Variants in REXO5 observed in about 807,000 individuals in gnomAD.
REXO5 encodes RNA exonuclease 5.
REXO5 carries 48 observed loss-of-function variants against 88.5 expected under a neutral mutation model. The ratio of observed to expected loss-of-function variants is 0.54; its 90% confidence interval spans 0.43 to 0.69. The LOEUF (loss-of-function observed/expected upper bound fraction) is 0.69. Among genes scored for constraint, REXO5 ranks in the 30% least tolerant of loss-of-function variants. The pLI is 0.00. For missense variants in REXO5, 749 were observed against 912.2 expected (o/e 0.82, Z 2.30); for synonymous variants, 311 against 336.5 (o/e 0.92, Z 0.83).
chr16:20,827,421 C>T lies in REXO5; in HGVS notation c.1029C>T (p.Leu343=), dbSNP rs755846605. 4 of 1,613,194 alleles carry T rather than the reference C, an allele frequency of 2.5e-6. No homozygotes were observed. The African/African-American group carries it at 4.0e-5, about 16-fold the overall frequency. The change falls in exon 10 of 20, where the codon CTC becomes CTT. Residue 343 remains leucine (L), a synonymous_variant. Coordinates refer to ENST00000261377, the MANE Select transcript of REXO5 (RefSeq NM_030941.3). ...YVREQGRRFK[L]KFLAKVILGK... Reference sequence around the variant, plus strand: ...GAGAGCAGGGCAGAAGATTTAAGCTCAAGTTCTTAGCCAAAGTTATTTTGG... The same window carrying T: ...GAGAGCAGGGCAGAAGATTTAAGCTTAAGTTCTTAGCCAAAGTTATTTTGG...
intron 10 of REXO5, among the ~76,000 whole-genome samples, chr16:20,828,209 C>T (rs774790868): frequency 5.9e-5 from 9 of 152,118 alleles, no homozygotes; most frequent in African/African-American, 1.2e-4. Context: ...GCCTTTTGTC[C>T]GGATGCTATG....
rs749271657 is a variant in REXO5 at position 20,827,173 on chromosome 16, G to T, written c.937G>T (p.Asp313Tyr). Residue 313 changes from aspartate (D) to tyrosine (Y), a missense_variant, in exon 9 of 20, where the codon GAT (aspartate) becomes TAT (tyrosine). By Grantham distance (160) the Asp-to-Tyr change is radical. Coordinates refer to ENST00000261377, the MANE Select transcript of REXO5 (RefSeq NM_030941.3). ...TGCTGTGTTAGTGGGCCACTCCTTA[G>T]ATTTGGATCTCAGAGCACTGAAAGT... ...PDAVLVGHSL[D>Y]LDLRALKMIH... 6.2e-7 allele frequency: 1 copy of T among 1,614,112 alleles called. No homozygotes were observed. The highest frequency in any genetic ancestry group is 1.1e-5 in the South Asian group (1 of 91,084).
intron 5 of REXO5, among the ~76,000 whole-genome samples, chr16:20,818,231 CGT>C (rs2081111300): frequency 2.0e-5 from 3 of 152,102 alleles, no homozygotes; most frequent in African/African-American, 7.2e-5. Flanking sequence ...TGATATATTA[CGT>C]ATTTATTTGT....
intron 5 of REXO5, among the ~76,000 whole-genome samples, chr16:20,820,524 A>ATATATATATAAT (rs2081155596): frequency 2.9e-4 from 1 of 3,470 alleles, no homozygotes; most frequent in South Asian, 0.014. Context: ...ATATATATAT[A>ATATATATATAAT]TATATATATA....
chr16:20,837,069 G>A (rs2081442541), intron 13 of REXO5, among the ~76,000 whole-genome samples: 1 of 152,078 alleles, frequency 6.6e-6, no homozygotes, highest in Non-Finnish European at 1.5e-5. Flanking sequence ...TCCCAGTCTG[G>A]CTTGTCTTCT....
chr16:20,831,312 C>T (rs764840566), intron 11 of REXO5, among the ~76,000 whole-genome samples: 7 of 152,086 alleles, frequency 4.6e-5, no homozygotes, highest in Non-Finnish European at 7.3e-5. Context: ...AAGGACCTCA[C>T]CCCTTGTGAG....
intron 3 of REXO5, among the ~76,000 whole-genome samples, chr16:20,813,900 A>T (rs891059560): frequency 1.3e-5 from 2 of 152,148 alleles, no homozygotes; most frequent in African/African-American, 4.8e-5. Context: ...CCCTACAAAA[A>T]AAAAAGAGAA....
chr16:20,806,635 C>G lies in REXO5; in HGVS notation c.-73C>G. 1 of 1,257,552 alleles carries G rather than the reference C, an allele frequency of 8.0e-7. No individual in the cohort carries two copies. Among genetic ancestry groups the G allele is most frequent in the Non-Finnish European group, 1.1e-6 (1 of 940,054 alleles). 77.9% of individuals were successfully genotyped at this position (1,257,552 alleles called of 1,614,324 possible). Reference sequence around the variant, plus strand: ...GGGGAGTGGTTTTAGGCGGCGAAGCCGCTCGGCAGCACCTTCCTTCTTTGC... The same window carrying G: ...GGGGAGTGGTTTTAGGCGGCGAAGCGGCTCGGCAGCACCTTCCTTCTTTGC... On this transcript the variant is annotated 5_prime_UTR_variant, in exon 1 of 20. Transcript: ENST00000261377.
rs537787180 is a variant in REXO5, at chr16:20,849,589, G to C, written c.*109G>C. 2.2e-6 allele frequency: 2 copies of C among 899,930 alleles called. No individual in the cohort carries two copies. The highest frequency in any genetic ancestry group is 3.3e-5 in the African/African-American group (2 of 60,308). 55.7% of individuals were successfully genotyped at this position (899,930 alleles called of 1,614,324 possible). On this transcript the variant is annotated 3_prime_UTR_variant, in exon 20 of 20. Coordinates refer to ENST00000261377, the MANE Select transcript of REXO5 (RefSeq NM_030941.3). The stretch of plus-strand genomic sequence containing the variant: ...CCAGCAGACAGCTTTATGGAAACTT[G>C]GTATAGCAGCTAAAAGAGTTTAGTT...
chr16:20,849,605 G>C lies in REXO5; in HGVS notation c.*125G>C. 1.3e-6 allele frequency: 1 copy of C among 784,340 alleles called. No homozygotes were observed. The highest frequency in any genetic ancestry group is 2.1e-6 in the Non-Finnish European group (1 of 466,496). The allele number at this position is 784,340 out of a possible 1,614,324, so 48.6% of individuals were successfully genotyped here. On this transcript the variant is annotated 3_prime_UTR_variant, in exon 20 of 20. Coordinates refer to ENST00000261377, the MANE Select transcript of REXO5 (RefSeq NM_030941.3). Reference sequence around the variant, plus strand: ...TGGAAACTTGGTATAGCAGCTAAAAGAGTTTAGTTTGTTTATATGGCATGT... The same window carrying C: ...TGGAAACTTGGTATAGCAGCTAAAACAGTTTAGTTTGTTTATATGGCATGT...
chr16:20,809,149 C>T (rs1196735654), intron 2 of REXO5, among the ~76,000 whole-genome samples: 2 of 152,140 alleles, frequency 1.3e-5, no homozygotes, highest in Admixed American at 1.3e-4. Flanking sequence ...TATGTTGAAA[C>T]AATCTCAAAC....
intron 16 of REXO5, among the ~76,000 whole-genome samples, chr16:20,844,248 C>G (rs2081573876): frequency 6.6e-6 from 1 of 152,136 alleles, no homozygotes. Context: ...TTGGGTCTTC[C>G]TTGCATTCTT....
Position 20,848,784 on chromosome 16 carries a change from T to A in REXO5, c.2244-615T>A, listed in dbSNP as rs115060116. 7.5e-3 allele frequency among the ~76,000 whole-genome samples: 1,147 copies of A among 152,334 alleles called. 22 individuals carry two copies. The highest frequency in any genetic ancestry group is 0.028 in the South Asian group (135 of 4,832). ...CCAGGTTTTTTACAACAAACATTGT[T>A]AAATAAGTTAATGTTTTGTAACTTT... On this transcript the variant is annotated intron_variant, in intron 19 of 19. Transcript: ENST00000261377.
intron 13 of REXO5, among the ~76,000 whole-genome samples, chr16:20,836,336 A>G (rs916918754): frequency 6.6e-6 from 1 of 152,190 alleles, no homozygotes; most frequent in Non-Finnish European, 1.5e-5. Flanking sequence ...TACTGTCTCC[A>G]TAATTTTGCC....
At chr16:20,824,571 A>G in intron 7 of REXO5, 44 bp downstream of exon 7, 1 of 1,164,934 alleles carries the variant, frequency 8.6e-7, no homozygotes, top group Non-Finnish European at 1.3e-6. Flanking sequence ...TTGCAAGCTG[A>G]GGTCTAGTAG....
At chr16:20,810,304 T>C (rs573338403) in intron 2 of REXO5, among the ~76,000 whole-genome samples, 1 of 152,350 alleles carries the variant, frequency 6.6e-6, no homozygotes, top group East Asian at 1.9e-4. Context: ...CATACTTACA[T>C]TTAAATATTT....
At chr16:20,814,576 C>A (rs1234541939) in intron 3 of REXO5, among the ~76,000 whole-genome samples, 1 of 152,052 alleles carries the variant, frequency 6.6e-6, no homozygotes, top group Non-Finnish European at 1.5e-5. Flanking sequence ...CATTTGATTC[C>A]CTGGTTTAGG....
chr16:20,824,481 G>C lies in REXO5; in HGVS notation c.659G>C (p.Gly220Ala). 6.2e-7 allele frequency: 1 copy of C among 1,611,738 alleles called. No individual in the cohort carries two copies. Among genetic ancestry groups the C allele is most frequent in the Non-Finnish European group, 8.5e-7 (1 of 1,178,340 alleles). The change falls in exon 7 of 20, where the codon GGT becomes GCT. Residue 220 changes from glycine (G) to alanine (A), a missense_variant. Gly to Ala is a moderately conservative substitution (Grantham distance 60, BLOSUM62 0). Coordinates refer to ENST00000261377, the MANE Select transcript of REXO5 (RefSeq NM_030941.3). ...AACTTTTTACTTACCAAATGTAATG[G>C]TTCTATAGCAGACAATAGTCCTCTC... Reference protein sequence around the residue: ...CENFLLTKCNGSIADNSPLFG... With the variant: ...CENFLLTKCNASIADNSPLFG...
chr16:20,809,301 A>G (rs967096347), intron 2 of REXO5, among the ~76,000 whole-genome samples: 5 of 152,212 alleles, frequency 3.3e-5, no homozygotes, highest in African/African-American at 4.8e-5. Flanking sequence ...TCACAATGCA[A>G]CCATCAAAAT....
Sources: gnomAD v4.1 joint callset for allele counts (sites outside exome capture counted in the v4.1 genomes callset) on GRCh38, gnomAD v4.1.1 for gene constraint, MANE v1.5 for transcripts, NCBI Gene and HGNC (gene_info 2026-07-23, HGNC 2026-07-21) for gene names.